The following PCDHGA1 variants were observed in gnomAD, a reference collection of about 807,000 sequenced individuals.
The protein encoded by PCDHGA1 is protocadherin gamma subfamily A, 1, also known as protocadherin gamma-A1.
PCDHGA1 carries 32 observed loss-of-function variants against 58.0 expected under a neutral mutation model. The observed-to-expected ratio is 0.55, with a 90% confidence interval of 0.42 to 0.74. PCDHGA1 has a LOEUF of 0.74. Among genes scored for constraint, PCDHGA1 ranks in the 30% least tolerant of loss-of-function variants. PCDHGA1 has a pLI of 0.00. For synonymous variants in PCDHGA1, 498 were observed against 501.1 expected, an observed-to-expected ratio of 0.99 and a Z score of 0.08; for missense variants, 1,205 against 1,182.3, an observed-to-expected ratio of 1.02 and a Z score of -0.28.
intron 1 of PCDHGA1, chr5:141,399,969 C>T (rs1371912218): frequency 1.2e-6 from 2 of 1,612,194 alleles, no homozygotes; most frequent in South Asian, 2.2e-5. Context: ...GGCTCTTCAG[C>T]CTGGGGCTGC....
At chr5:141,397,818 T>TAA (rs748152113) in intron 1 of PCDHGA1, among the ~76,000 whole-genome samples, 1 of 152,226 alleles carries the variant, frequency 6.6e-6, no homozygotes, top group Non-Finnish European at 1.5e-5. Flanking sequence ...CAAAAACAAT[T>TAA]ACTGCACTGG....
chr5:141,399,735 T>A (rs909521642), intron 1 of PCDHGA1: 1 of 1,613,198 alleles, frequency 6.2e-7, no homozygotes, highest in African/African-American at 1.3e-5. Flanking sequence ...AGGGCTCGCC[T>A]GCGCTCAGCG....
At chr5:141,340,068 T>C (rs561135976) in intron 1 of PCDHGA1, 2 of 1,613,984 alleles carry the variant, frequency 1.2e-6, no homozygotes, top group East Asian at 2.2e-5. Flanking sequence ...GGAACCATAA[T>C]TGGGCTTTTT....
At chr5:141,390,382 T>C in intron 1 of PCDHGA1, 2 of 1,443,060 alleles carry the variant, frequency 1.4e-6, no homozygotes, top group South Asian at 1.3e-5. Context: ...AATTTTTAGA[T>C]GTCATGGATC....
At chr5:141,496,662 T>A (rs557106775) in intron 2 of PCDHGA1, among the ~76,000 whole-genome samples, 1 of 152,344 alleles carries the variant, frequency 6.6e-6, no homozygotes, top group African/African-American at 2.4e-5. Flanking sequence ...TGACCCCAGC[T>A]GTTGTCCTTC....
intron 1 of PCDHGA1, chr5:141,415,339 C>T (rs776585248): frequency 7.4e-6 from 12 of 1,614,190 alleles, no homozygotes; most frequent in Non-Finnish European, 1.0e-5. Context: ...CAGGCTGCGG[C>T]GCTGGCACAA....
At chr5:141,415,524 C>G in intron 1 of PCDHGA1, 1 of 1,614,154 alleles carries the variant, frequency 6.2e-7, no homozygotes, top group Non-Finnish European at 8.5e-7. Context: ...CGGACACGCT[C>G]ATCAGCCAGG....
chr5:141,376,282 G>C (rs755455760), intron 1 of PCDHGA1: 10 of 1,614,096 alleles, frequency 6.2e-6, no homozygotes, highest in Non-Finnish European at 7.6e-6. Flanking sequence ...GTGGCTTAGC[G>C]AGCATGCCCG....
intron 1 of PCDHGA1, among the ~76,000 whole-genome samples, chr5:141,357,979 C>G (rs554928624): frequency 2.0e-5 from 3 of 152,236 alleles, no homozygotes; most frequent in African/African-American, 7.2e-5. Flanking sequence ...TGCCTGAGCT[C>G]AGGAGTTCGA....
intron 1 of PCDHGA1, chr5:141,404,248 G>T (rs1404333144): frequency 6.2e-7 from 1 of 1,613,694 alleles, no homozygotes; most frequent in South Asian, 1.1e-5. Flanking sequence ...CTCCGCCCCT[G>T]TCCACAGAAA....
chr5:141,484,867 G>C lies in PCDHGA1; in HGVS notation c.2422-9940G>C, dbSNP rs573580017. The C allele has an allele frequency of 1.8e-5, 5 of 282,560 alleles. No homozygotes were observed. The Admixed American group carries it at 1.9e-4, about 11-fold the overall frequency. The allele number at this position is 282,560 out of a possible 1,614,324, so 17.5% of individuals were successfully genotyped here. A position where few individuals can be genotyped will look rare whatever the true frequency, so the allele number is the denominator to read the frequency against. ...TGGGTTTTTTGGGGGGTGGGGGAGC[G>C]TGGAGGATAGGGTGGGCTTTTTCCC... On this transcript the variant is annotated intron_variant, in intron 1 of 3. Coordinates refer to ENST00000517417, the MANE Select transcript of PCDHGA1 (RefSeq NM_018912.3).
At chr5:141,399,279 C>T (rs370090713) in intron 1 of PCDHGA1, 76 of 1,613,576 alleles carry the variant, frequency 4.7e-5, no homozygotes, top group Non-Finnish European at 5.0e-5. Flanking sequence ...AATTACAAGG[C>T]GAAGTCCCTT....
chr5:141,331,657 G>T lies in PCDHGA1; in HGVS notation c.973G>T (p.Ala325Ser). The T allele has an allele frequency of 6.2e-7, 1 of 1,614,088 alleles. No homozygotes were observed. The highest frequency in any genetic ancestry group is 8.5e-7 in the Non-Finnish European group (1 of 1,180,018). The change falls in exon 1 of 4, where the codon GCG becomes TCG. Residue 325 changes from alanine to serine, a missense_variant. Transcript: ENST00000517417. ...AATGGAAGTTCAAGCCCAGGATGGT[G>T]CGGGGCTCATGGCTAAAGTTAAGGT... ...YSMEVQAQDG[A>S]GLMAKVKVLI... is the part of the protein sequence containing the mutation.
rs188338684 is a variant in PCDHGA1, at chr5:141,431,953, C to T, written c.2422-62854C>T. ...TGCCCTTTAAATTAGAAAAATCTTA[C>T]GGAAATTACTATAGTTTAGTCACAG... On this transcript the variant is annotated intron_variant, in intron 1 of 3. Transcript: ENST00000517417. The surrounding 1 kb of genome is among the most constrained non-coding windows in gnomAD (Gnocchi z 4.8). 2.4e-5 allele frequency: 38 copies of T among 1,614,082 alleles called. No homozygotes were observed. In the East Asian group the frequency reaches 7.6e-4, roughly 32 times the overall value.
chr5:141,356,659 AT>A, intron 1 of PCDHGA1: 1 of 1,614,050 alleles, frequency 6.2e-7, no homozygotes, highest in Non-Finnish European at 8.5e-7. Context: ...CAATGCCCGA[AT>A]CACTTACTCC....
At chr5:141,444,119 T>G (rs1236466434) in intron 1 of PCDHGA1, among the ~76,000 whole-genome samples, 4 of 146,736 alleles carry the variant, frequency 2.7e-5, no homozygotes, top group African/African-American at 1.0e-4. Context: ...AAGTGAAGTA[T>G]CTCAACAGAT....
intron 1 of PCDHGA1, chr5:141,390,730 A>T (rs964390196): frequency 2.0e-5 from 4 of 195,852 alleles, no homozygotes; most frequent in Non-Finnish European, 3.1e-5. Flanking sequence ...TTTAACTGGT[A>T]TGGTCTCCAT....
chr5:141,364,722 C>G lies in PCDHGA1; in HGVS notation c.2421+31617C>G, dbSNP rs779536020. The G allele has an allele frequency of 8.1e-6, 13 of 1,613,884 alleles. No individual in the cohort carries two copies. The South Asian group carries it at 1.4e-4, about 18-fold the overall frequency. ...ATAATCGATATTAATGATAACTTCC[C>G]GCGTTTCCGGGATGAAGAGTTAAAA... is the stretch of plus-strand genomic sequence containing the variant. On this transcript the variant is annotated intron_variant, in intron 1 of 3. Transcript: ENST00000517417.
chr5:141,366,106 A>T, intron 1 of PCDHGA1: 1 of 1,614,224 alleles, frequency 6.2e-7, no homozygotes, highest in Non-Finnish European at 8.5e-7. Context: ...CCAAGGTGGT[A>T]GCGGTGGACA....
Sources: allele counts gnomAD v4.1 joint callset (sites outside exome capture counted in the v4.1 genomes callset), GRCh38; gene constraint gnomAD v4.1.1; non-coding constraint Gnocchi (gnomAD v3.1); transcripts MANE v1.5; gene names NCBI Gene and HGNC (gene_info 2026-07-23, HGNC 2026-07-21).